Variants in MLLT3 observed in about 807,000 individuals in gnomAD.
The protein encoded by MLLT3 is protein AF-9.
MLLT3 carries 4 observed loss-of-function variants against 53.2 expected under a neutral mutation model. The observed-to-expected ratio is 0.08, with a 90% CI of 0.04 to 0.17. The LOEUF (loss-of-function observed/expected upper bound fraction) is 0.17. Ranked by LOEUF, MLLT3 falls within the 10% of genes least tolerant of loss-of-function variation. The pLI is 1.00. For missense variants in MLLT3, 569 were observed against 684.0 expected (o/e 0.83, Z 1.87); for synonymous variants, 283 against 230.6 (o/e 1.23, Z -2.06).
Position 20,448,083 on chromosome 9 carries a change from T to C in MLLT3, c.420+40A>G. The C allele has an allele frequency of 6.3e-7, 1 of 1,577,622 alleles. No homozygotes were observed. Among genetic ancestry groups the C allele is most frequent in the Non-Finnish European group, 8.6e-7 (1 of 1,166,322 alleles). ...TTGTTTTTTTTTTTGTTGTTGTTGT[T>C]TTTTAATAGGAATGCTTTTCACAAG... On this transcript the variant is annotated intron_variant, in intron 4 of 10. Transcript: ENST00000380338. The surrounding 1 kb of genome is among the most constrained non-coding windows in gnomAD (Gnocchi z 4.0).
chr9:20,565,952 ATT>A (rs1319698790), intron 2 of MLLT3, among the ~76,000 whole-genome samples: 5 of 8,438 alleles, frequency 5.9e-4, no homozygotes, highest in Non-Finnish European at 1.2e-3. Flanking sequence ...ATATATATAT[ATT>A]TATATATATA....
In MLLT3 at chr9:20,341,962, G is replaced by A. The variant is rs556851837; in HGVS notation, c.*4481C>T. The A allele has an allele frequency of 2.0e-5, 4 of 203,390 alleles. No homozygotes were observed. Among genetic ancestry groups the A allele is most frequent in the Non-Finnish European group, 4.0e-5 (4 of 99,240 alleles). 12.6% of individuals were successfully genotyped at this position (203,390 alleles called of 1,614,324 possible). ...ATATATATACTGGCTTTAGGACACA[G>A]AAGATGGTGTTAGACATGAGGGACT... On this transcript the variant is annotated 3_prime_UTR_variant, in exon 11 of 11. Transcript: ENST00000380338.
rs538586598 is a variant in MLLT3, at chr9:20,412,312, T to C, written c.1125+1409A>G. Among the ~76,000 whole-genome samples the C allele has an allele frequency of 8.5e-5, 13 of 152,324 alleles. No individual in the cohort carries two copies. The South Asian group carries it at 1.5e-3, about 17-fold the overall frequency. ...GAAGGAAAAATAAATACTTGAGTTA[T>C]TGGAACAAACACATTCAACTCTCAT... On this transcript the variant is annotated intron_variant, in intron 5 of 10. Transcript: ENST00000380338.
intron 10 of MLLT3, among the ~76,000 whole-genome samples, chr9:20,348,253 G>C (rs139909445): frequency 2.0e-4 from 31 of 152,252 alleles, no homozygotes; most frequent in Non-Finnish European, 4.1e-4. Context: ...ACGGAAGGCC[G>C]TTTTTCTGAG....
At chr9:20,507,018 T>G (rs1291679973) in intron 2 of MLLT3, among the ~76,000 whole-genome samples, 2 of 152,234 alleles carry the variant, frequency 1.3e-5, no homozygotes, top group African/African-American at 4.8e-5. Flanking sequence ...CACTTACTAT[T>G]CAATTGGCAG....
chr9:20,442,708 C>T lies in MLLT3; in HGVS notation c.420+5415G>A, dbSNP rs188672383. On this transcript the variant is annotated intron_variant, in intron 4 of 10. Coordinates refer to ENST00000380338, the MANE Select transcript of MLLT3 (RefSeq NM_004529.4). ...CTTTTGGCCCTTTAATAAGCAAAACCCCTCGCTGGAGGTCCACTGTGGACC... is the reference window on the plus strand; with the variant it reads ...CTTTTGGCCCTTTAATAAGCAAAACTCCTCGCTGGAGGTCCACTGTGGACC... Among the ~76,000 whole-genome samples the T allele has an allele frequency of 1.1e-4, 17 of 152,192 alleles. No homozygotes were observed. The East Asian group carries it at 2.9e-3, about 26-fold the overall frequency.
intron 2 of MLLT3, among the ~76,000 whole-genome samples, chr9:20,484,552 G>A (rs976949178): frequency 6.6e-6 from 1 of 151,964 alleles, no homozygotes; most frequent in Non-Finnish European, 1.5e-5. Flanking sequence ...CCAACTATAT[G>A]GGTAAACTTA....
chr9:20,481,648 T>C (rs1451219137), intron 2 of MLLT3, among the ~76,000 whole-genome samples: 2 of 152,104 alleles, frequency 1.3e-5, no homozygotes, highest in Non-Finnish European at 2.9e-5. Flanking sequence ...ACCCTGTACA[T>C]CCCCTTGCTC....
chr9:20,613,107 G>A (rs1820740658), intron 2 of MLLT3, among the ~76,000 whole-genome samples: 1 of 152,154 alleles, frequency 6.6e-6, no homozygotes, highest in South Asian at 2.1e-4. Context: ...GAATGACGTG[G>A]CTCTTTATAG....
At position 20,341,713 on chromosome 9, in the gene MLLT3, T is replaced by G; in HGVS notation, c.*4730A>C. On this transcript the variant is annotated 3_prime_UTR_variant, in exon 11 of 11. Transcript: ENST00000380338. ...TATTTTATTCTCTTTGTTGTAGTAG[T>G]TGTTCTCCTTCCTGTCTAATCAAGG... 5.4e-6 allele frequency: 1 copy of G among 185,236 alleles called. No individual in the cohort carries two copies. The highest frequency in any genetic ancestry group is 1.1e-5 in the Non-Finnish European group (1 of 87,610). 11.5% of individuals were successfully genotyped at this position (185,236 alleles called of 1,614,324 possible).
chr9:20,399,648 G>A (rs893983119), intron 5 of MLLT3, among the ~76,000 whole-genome samples: 1 of 152,040 alleles, frequency 6.6e-6, no homozygotes, highest in African/African-American at 2.4e-5. Flanking sequence ...GAGACAGCAT[G>A]GAATAGTCAA....
chr9:20,569,692 G>T (rs1429481388), intron 2 of MLLT3, among the ~76,000 whole-genome samples: 3 of 152,132 alleles, frequency 2.0e-5, no homozygotes, highest in African/African-American at 4.8e-5. Context: ...CAGTTCTAAA[G>T]GTTTGGAGTG....
Position 20,435,023 on chromosome 9 carries a change from T to A in MLLT3, c.420+13100A>T, listed in dbSNP as rs138718632. On this transcript the variant is annotated intron_variant, in intron 4 of 10. Transcript: ENST00000380338. The stretch of plus-strand genomic sequence containing the variant: ...AAAGATCAGCATTCTTAAAAAAAAA[T>A]GTTGTTTTTGCCATCCTTAGTCTTT... Among the ~76,000 whole-genome samples the A allele has an allele frequency of 4.2e-4, 64 of 151,956 alleles. 1 individual carries two copies. The East Asian group carries it at 6.8e-3, about 16-fold the overall frequency.
chr9:20,412,705 G>A (rs75532859), intron 5 of MLLT3, among the ~76,000 whole-genome samples: 2,773 of 152,204 alleles, frequency 0.018, 72 homozygotes, highest in African/African-American at 0.058. Context: ...CTAGAAATAC[G>A]GTCAAGCCAA....
At chr9:20,554,435 A>G (rs1312987057) in intron 2 of MLLT3, among the ~76,000 whole-genome samples, 1 of 152,190 alleles carries the variant, frequency 6.6e-6, no homozygotes, top group East Asian at 1.9e-4. Flanking sequence ...GTCCCTACTT[A>G]AAATTCATTT....
At chr9:20,541,055 G>A (rs1818616656) in intron 2 of MLLT3, among the ~76,000 whole-genome samples, 1 of 152,128 alleles carries the variant, frequency 6.6e-6, no homozygotes, top group African/African-American at 2.4e-5. Context: ...CAAATCTCTA[G>A]GGCAGGGGTA....
chr9:20,369,800 T>C (rs902648128), intron 5 of MLLT3, among the ~76,000 whole-genome samples: 1 of 152,240 alleles, frequency 6.6e-6, no homozygotes, highest in Non-Finnish European at 1.5e-5. Context: ...AAGATCTTTA[T>C]ATGAAGATCT....
At chr9:20,499,813 C>T (rs528411744) in intron 2 of MLLT3, among the ~76,000 whole-genome samples, 1 of 152,146 alleles carries the variant, frequency 6.6e-6, no homozygotes, top group South Asian at 2.1e-4. Context: ...TCCTGTAGTC[C>T]CAGCTACTCA....
At chr9:20,519,389 A>G (rs914772714) in intron 2 of MLLT3, among the ~76,000 whole-genome samples, 2 of 152,174 alleles carry the variant, frequency 1.3e-5, no homozygotes, top group East Asian at 1.9e-4. Flanking sequence ...TCCAAGACAA[A>G]AAGTTTTTTA....
Sources: gnomAD v4.1 joint callset for allele counts (sites outside exome capture counted in the v4.1 genomes callset) on GRCh38, gnomAD v4.1.1 for gene constraint, Gnocchi (gnomAD v3.1) non-coding constraint, MANE v1.5 for transcripts, NCBI Gene and HGNC (gene_info 2026-07-23, HGNC 2026-07-21) for gene names.